Variants in MAPRE2 observed in about 807,000 individuals in gnomAD.
The protein encoded by MAPRE2 is microtubule associated protein RP/EB family member 2, also known as microtubule-associated protein RP/EB family member 2.
Under a neutral mutation model 43.2 loss-of-function variants are expected in MAPRE2, and 13 were observed. The ratio of observed to expected loss-of-function variants is 0.30; its 90% CI spans 0.20 to 0.48. The LOEUF (loss-of-function observed/expected upper bound fraction) is 0.48. Among genes scored for constraint, MAPRE2 ranks in the 20% least tolerant of loss-of-function variants. The probability of loss-of-function intolerance (pLI) is 0.99; values close to 1 mark genes in which losing one functional copy is unlikely to be tolerated. For missense variants in MAPRE2, 161 were observed against 400.2 expected, an observed-to-expected ratio of 0.40 and a Z score of 5.10; for synonymous variants, 135 against 148.8, an observed-to-expected ratio of 0.91 and a Z score of 0.68.
intron 1 of MAPRE2, among the ~76,000 whole-genome samples, chr18:35,060,046 T>G (rs1462551375): frequency 6.6e-6 from 1 of 152,160 alleles, no homozygotes; most frequent in Non-Finnish European, 1.5e-5. Context: ...CTATATTGCA[T>G]GCGCCTGATT....
intron 1 of MAPRE2, among the ~76,000 whole-genome samples, chr18:35,060,599 G>T (rs1906473759): frequency 6.6e-6 from 1 of 152,132 alleles, no homozygotes; most frequent in South Asian, 2.1e-4. Flanking sequence ...CCAAAATTTT[G>T]TCATACCCTG....
chr18:35,007,199 G>A (rs6507114), intron 2 of MAPRE2, among the ~76,000 whole-genome samples: 127,245 of 152,108 alleles, frequency 0.84, 53,265 homozygotes, highest in East Asian at 0.98. Flanking sequence ...CTTATAGTAG[G>A]TGGTCCATAT....
At chr18:35,060,655 CTTGTT>C (rs1467517832) in intron 1 of MAPRE2, among the ~76,000 whole-genome samples, 11 of 152,134 alleles carry the variant, frequency 7.2e-5, no homozygotes, top group African/African-American at 2.7e-4. Flanking sequence ...TAGCTATTGA[CTTGTT>C]AAGTCTGAGT....
rs561359111 is a variant in MAPRE2 at position 35,143,448 on chromosome 18, A to T, written c.*3079A>T. 8.5e-5 allele frequency: 11 copies of T among 129,606 alleles called. No homozygotes were observed. Among genetic ancestry groups the T allele is most frequent in the African/African-American group, 1.2e-4 (4 of 34,330 alleles). 8.0% of individuals were successfully genotyped at this position (129,606 alleles called of 1,614,324 possible). ...GCATTGATCTTTTTACATATTTAATAAAAAAAAAAGTATATGTTAAAATCT... is the reference window on the plus strand; with the variant it reads ...GCATTGATCTTTTTACATATTTAATTAAAAAAAAAGTATATGTTAAAATCT... On this transcript the variant is annotated 3_prime_UTR_variant, in exon 7 of 7. Coordinates refer to ENST00000300249, the MANE Select transcript of MAPRE2 (RefSeq NM_014268.4).
intron 1 of MAPRE2, among the ~76,000 whole-genome samples, chr18:35,068,036 T>G (rs1444674540): frequency 6.6e-6 from 1 of 152,136 alleles, no homozygotes; most frequent in Non-Finnish European, 1.5e-5. Context: ...GAGATAAGGG[T>G]GCTTCTGGGA....
intron 2 of MAPRE2, among the ~76,000 whole-genome samples, chr18:35,083,764 C>T (rs482255): frequency 0.26 from 40,178 of 151,876 alleles, 6,602 homozygotes; most frequent in East Asian, 0.52. Context: ...AATCAGCAGA[C>T]GAAAAGAAAT....
intron 1 of MAPRE2, among the ~76,000 whole-genome samples, chr18:35,054,402 T>A (rs1906108321): frequency 6.6e-6 from 1 of 152,248 alleles, no homozygotes; most frequent in Non-Finnish European, 1.5e-5. Context: ...CTAGGCCTAC[T>A]ACTAGATTTC....
intron 2 of MAPRE2, among the ~76,000 whole-genome samples, chr18:35,005,974 C>A (rs1294826512): frequency 6.6e-6 from 1 of 151,986 alleles, no homozygotes; most frequent in Admixed American, 6.6e-5. Flanking sequence ...TGAGAGCGTG[C>A]GAGCGTGCGA....
intron 1 of MAPRE2, among the ~76,000 whole-genome samples, chr18:35,058,040 G>C (rs1328261196): frequency 1.3e-5 from 2 of 152,180 alleles, no homozygotes; most frequent in African/African-American, 4.8e-5. Context: ...GTTTGATGTA[G>C]AGGCAGATCA....
intron 1 of MAPRE2, chr18:34,978,525 A>G: frequency 1.3e-6 from 2 of 1,551,738 alleles, no homozygotes; most frequent in East Asian, 2.4e-5. Flanking sequence ...GGAATGAAAC[A>G]GAACAGAGAT....
intron 1 of MAPRE2, among the ~76,000 whole-genome samples, chr18:35,060,866 G>A (rs1000027410): frequency 4.6e-5 from 7 of 152,258 alleles, no homozygotes; most frequent in South Asian, 2.1e-4. Flanking sequence ...GGTGACTTAC[G>A]GAATGTCCTA....
intron 4 of MAPRE2, among the ~76,000 whole-genome samples, chr18:35,113,077 A>G (rs1054118280): frequency 9.2e-5 from 14 of 152,144 alleles, no homozygotes; most frequent in African/African-American, 3.4e-4. Flanking sequence ...TCTTAATACT[A>G]CTGTGTTGGG....
chr18:35,135,530 G>C (rs2144256625), intron 6 of MAPRE2, among the ~76,000 whole-genome samples: 1 of 152,072 alleles, frequency 6.6e-6, no homozygotes, highest in African/African-American at 2.4e-5. Context: ...CCTACACTGG[G>C]GGAGTGAGCC....
intron 2 of MAPRE2, among the ~76,000 whole-genome samples, chr18:35,081,737 C>T (rs555306570): frequency 1.3e-5 from 2 of 152,230 alleles, no homozygotes; most frequent in African/African-American, 4.8e-5. Context: ...TGACCTCAGC[C>T]TCAAAATGAG....
upstream of MAPRE2, among the ~76,000 whole-genome samples, chr18:35,037,164 C>CTTT (rs35771500): frequency 4.1e-5 from 6 of 146,858 alleles, no homozygotes; most frequent in African/African-American, 1.5e-4. Flanking sequence ...AAGCCTGAGG[C>CTTT]TTTTTTTTTT....
intron 1 of MAPRE2, among the ~76,000 whole-genome samples, chr18:35,046,247 C>G (rs1905615580): frequency 6.6e-6 from 1 of 152,106 alleles, no homozygotes; most frequent in African/African-American, 2.4e-5. Context: ...TGCTAGATGC[C>G]CCTTGAAGGA....
At chr18:35,131,873 C>A in intron 5 of MAPRE2, 159 bp from the exon 6 acceptor site, 1 of 691,834 alleles carries the variant, frequency 1.4e-6, no homozygotes, top group Non-Finnish European at 2.4e-6. Flanking sequence ...CAGGGTCAAG[C>A]TCCAGACAAC....
intron 4 of MAPRE2, among the ~76,000 whole-genome samples, chr18:35,116,695 C>A (rs766662129): frequency 3.9e-5 from 6 of 152,118 alleles, no homozygotes; most frequent in African/African-American, 1.4e-4. Flanking sequence ...TTCTTCAGGG[C>A]AGTAGGGGAA....
intron 1 of MAPRE2, among the ~76,000 whole-genome samples, chr18:35,063,530 C>A (rs1020907045): frequency 6.6e-6 from 1 of 151,606 alleles, no homozygotes; most frequent in East Asian, 1.9e-4. Flanking sequence ...CCAAAAGGCC[C>A]TTTAAAGGCT....
Sources: gnomAD v4.1 joint callset for allele counts (sites outside exome capture counted in the v4.1 genomes callset) on GRCh38, gnomAD v4.1.1 for gene constraint, MANE v1.5 for transcripts, NCBI Gene and HGNC (gene_info 2026-07-23, HGNC 2026-07-21) for gene names.